Variants in PIEZO2 observed in about 807,000 individuals in gnomAD.
The protein encoded by PIEZO2 is piezo-type mechanosensitive ion channel component 2.
In PIEZO2, 172 loss-of-function variants were observed where a neutral mutation model predicts 337.3. The observed-to-expected ratio is 0.51, with a 90% CI of 0.45 to 0.58. The LOEUF (loss-of-function observed/expected upper bound fraction) is 0.58. Ranked by LOEUF, PIEZO2 falls within the 20% of genes least tolerant of loss-of-function variation. PIEZO2 has a pLI of 0.00. For missense variants in PIEZO2, 3,028 were observed against 3,391.3 expected (o/e 0.89, Z 2.66); for synonymous variants, 1,251 against 1,228.5 (o/e 1.02, Z -0.38).
At chr18:11,020,803 G>A (rs2036282798) in intron 2 of PIEZO2, among the ~76,000 whole-genome samples, 1 of 152,108 alleles carries the variant, frequency 6.6e-6, no homozygotes, top group Non-Finnish European at 1.5e-5. Flanking sequence ...GAGAGCTTTC[G>A]GAATACTTGA....
chr18:10,757,180 A>G (rs2037903050), intron 27 of PIEZO2, among the ~76,000 whole-genome samples: 1 of 145,028 alleles, frequency 6.9e-6, no homozygotes, highest in South Asian at 2.4e-4. Flanking sequence ...GTGGATACGA[A>G]TGAGGGATAG....
chr18:10,869,178 T>C (rs1025265112), intron 5 of PIEZO2, among the ~76,000 whole-genome samples: 4 of 152,228 alleles, frequency 2.6e-5, no homozygotes, highest in African/African-American at 9.6e-5. Context: ...TCACAACTAC[T>C]AGGTGATATA....
At position 10,795,926 on chromosome 18, in the gene PIEZO2, T is replaced by A. The variant is rs982245828; in HGVS notation, c.1528-924A>T. Among the ~76,000 whole-genome samples the A allele has an allele frequency of 1.3e-5, 2 of 152,142 alleles. No homozygotes were observed. The highest frequency in any genetic ancestry group is 1.3e-4 in the Admixed American group (2 of 15,278). ...TTTGGGAAAAGGAGAGATTATAGCTTCTTTTATCTTCTATCTATGGGCCAA... is the reference window on the plus strand; with the variant it reads ...TTTGGGAAAAGGAGAGATTATAGCTACTTTTATCTTCTATCTATGGGCCAA... On this transcript the variant is annotated intron_variant, in intron 12 of 55. Coordinates refer to ENST00000674853, the MANE Select transcript of PIEZO2 (RefSeq NM_001378183.1). This position sits in a 1 kb window ranked among gnomAD's most constrained non-coding sequence, Gnocchi z 4.4.
At chr18:10,743,168 T>C (rs1245594261) in intron 31 of PIEZO2, among the ~76,000 whole-genome samples, 1 of 152,174 alleles carries the variant, frequency 6.6e-6, no homozygotes, top group East Asian at 1.9e-4. Flanking sequence ...GCATTTACAT[T>C]ATAATTTTTA....
chr18:10,705,631 C>T lies in PIEZO2; in HGVS notation c.5704G>A (p.Ala1902Thr). 1 of 1,537,214 alleles carries T rather than the reference C, an allele frequency of 6.5e-7. No homozygotes were observed. Among genetic ancestry groups the T allele is most frequent in the African/African-American group, 1.4e-5 (1 of 73,146 alleles). The change falls in exon 41 of 56, where the codon GCC (alanine) becomes ACC (threonine). Residue 1902 changes from alanine (A) to threonine (T), a missense_variant. Transcript: ENST00000674853. ...TACCCAGTGGCCTCGTACTCCTTGG[C>T]CTCCCTGGGCTCAGGCGCCGTGCTC... ...AGSTAPEPRE[A>T]KEYEATGYDV...
chr18:10,711,715 C>T (rs955819199), intron 39 of PIEZO2, among the ~76,000 whole-genome samples: 1 of 152,146 alleles, frequency 6.6e-6, no homozygotes, highest in Non-Finnish European at 1.5e-5. Context: ...CATATTTTCT[C>T]GAAGAAAGAT....
rs141820938 is a variant in PIEZO2 at position 11,033,890 on chromosome 18, T to C, written c.160+32237A>G. Reference sequence around the variant, plus strand: ...TTTTCCTAACTTTCCACCAAAAATATTATCTTCAGACTTTACCGGGTTGGT... The same window carrying C: ...TTTTCCTAACTTTCCACCAAAAATACTATCTTCAGACTTTACCGGGTTGGT... On this transcript the variant is annotated intron_variant, in intron 2 of 55. Coordinates refer to ENST00000674853, the MANE Select transcript of PIEZO2 (RefSeq NM_001378183.1). This position sits in a 1 kb window ranked among gnomAD's most constrained non-coding sequence, Gnocchi z 4.2. 4.3e-4 allele frequency among the ~76,000 whole-genome samples: 65 copies of C among 152,232 alleles called. No homozygotes were observed. In the East Asian group the frequency reaches 4.6e-3, roughly 11 times the overall value.
chr18:11,026,412 T>A (rs1019017227), intron 2 of PIEZO2, among the ~76,000 whole-genome samples: 1 of 151,992 alleles, frequency 6.6e-6, no homozygotes, highest in Admixed American at 6.6e-5. Context: ...CCCTGACTGG[T>A]CCCTTCTGTG....
At chr18:10,720,363 CTGTGTGTGTGTGTGTGTGTG>C (rs58927900) in intron 36 of PIEZO2, among the ~76,000 whole-genome samples, 2 of 56,294 alleles carry the variant, frequency 3.6e-5, no homozygotes, top group South Asian at 7.9e-4. Context: ...TATATATATT[CTGTGTGTGTGTGTGTGTGTG>C]TGTGTGTGTG....
At chr18:10,674,687 C>G (rs1410560625) in intron 54 of PIEZO2, among the ~76,000 whole-genome samples, 1 of 152,228 alleles carries the variant, frequency 6.6e-6, no homozygotes, top group Admixed American at 6.5e-5. Flanking sequence ...ACATCTGCTT[C>G]TGGTTCAAGC....
intron 21 of PIEZO2, among the ~76,000 whole-genome samples, chr18:10,768,719 AGT>A (rs569120735): frequency 1.4e-3 from 206 of 152,288 alleles, no homozygotes; most frequent in African/African-American, 4.8e-3. Flanking sequence ...TTTTCCCAAG[AGT>A]GTAACAAGGT....
chr18:10,932,837 T>A (rs117115340), intron 3 of PIEZO2, among the ~76,000 whole-genome samples: 6,225 of 151,798 alleles, frequency 0.041, 185 homozygotes, highest in South Asian at 0.064. Flanking sequence ...GGCAGGAGAA[T>A]CACTTGAGCC....
chr18:11,079,410 A>C (rs952860780), intron 1 of PIEZO2, among the ~76,000 whole-genome samples: 1 of 152,236 alleles, frequency 6.6e-6, no homozygotes, highest in Non-Finnish European at 1.5e-5. Flanking sequence ...CTGGGGGACA[A>C]GTAGGTTACA....
At chr18:10,941,571 A>G (rs1490276755) in intron 3 of PIEZO2, among the ~76,000 whole-genome samples, 1 of 152,212 alleles carries the variant, frequency 6.6e-6, no homozygotes, top group Non-Finnish European at 1.5e-5. Context: ...ATTCTTTTAA[A>G]AAGGAATACG....
rs1424090400 is a variant in PIEZO2, at chr18:10,854,761, G to A, written c.917+592C>T. On this transcript the variant is annotated intron_variant, in intron 7 of 55. Coordinates refer to ENST00000674853, the MANE Select transcript of PIEZO2 (RefSeq NM_001378183.1). The surrounding 1 kb of genome is among the most constrained non-coding windows in gnomAD (Gnocchi z 4.6). Reference sequence around the variant, plus strand: ...CAGGGTCTCACTCTGTCACCCAGGTGGGAGTGCAGCGGTGTGATCATGGCT... The same window carrying A: ...CAGGGTCTCACTCTGTCACCCAGGTAGGAGTGCAGCGGTGTGATCATGGCT... Among the ~76,000 whole-genome samples the A allele has an allele frequency of 6.6e-6, 1 of 152,094 alleles. No individual in the cohort carries two copies. Among genetic ancestry groups the A allele is most frequent in the Non-Finnish European group, 1.5e-5 (1 of 68,014 alleles).
chr18:11,117,276 C>T (rs12969087), intron 1 of PIEZO2, among the ~76,000 whole-genome samples: 45,796 of 152,004 alleles, frequency 0.3, 8,473 homozygotes, highest in Middle Eastern at 0.46. Context: ...TAAAAATGTA[C>T]AATTATTATG....
Position 10,882,834 on chromosome 18 carries a change from C to CTTTTTTTTTTTTTTTTTTTTTTTTT in PIEZO2, c.330-11420_330-11419insAAAAAAAAAAAAAAAAAAAAAAAAA, listed in dbSNP as rs745618117. Among the ~76,000 whole-genome samples, 2 of 109,984 alleles carry CTTTTTTTTTTTTTTTTTTTTTTTTT rather than the reference C, an allele frequency of 1.8e-5. 1 individual carries two copies. Among genetic ancestry groups the CTTTTTTTTTTTTTTTTTTTTTTTTT allele is most frequent in the Non-Finnish European group, 3.7e-5 (2 of 54,602 alleles). The allele number at this position is 109,984 out of a possible 152,430, so 72.2% of individuals were successfully genotyped here. On this transcript the variant is annotated intron_variant, in intron 4 of 55. Transcript: ENST00000674853. ...CCATTGTGCATATGTACCACATTTT[C>CTTTTTTTTTTTTTTTTTTTTTTTTT]TTTTTTTCTTTTTTTTTTTTTTTGA...
rs2035247255 is a variant in PIEZO2 at position 10,994,830 on chromosome 18, C to T, written c.161-15170G>A. 7.9e-5 allele frequency among the ~76,000 whole-genome samples: 12 copies of T among 151,902 alleles called. No homozygotes were observed. The South Asian group carries it at 2.5e-3, about 32-fold the overall frequency. On this transcript the variant is annotated intron_variant, in intron 2 of 55. Transcript: ENST00000674853. ...GGCACAGTAGCTCACGCCTGTAATC[C>T]CAGCACTTTGGGAGGCCAAAGCGGG...
chr18:11,066,816 T>G (rs2038169206), intron 1 of PIEZO2, among the ~76,000 whole-genome samples: 1 of 152,212 alleles, frequency 6.6e-6, no homozygotes, highest in Admixed American at 6.5e-5. Flanking sequence ...GCCAGGCTGG[T>G]CTTGAACTCT....
Sources: allele counts gnomAD v4.1 joint callset (sites outside exome capture counted in the v4.1 genomes callset), GRCh38; gene constraint gnomAD v4.1.1; non-coding constraint Gnocchi (gnomAD v3.1); transcripts MANE v1.5; gene names NCBI Gene and HGNC (gene_info 2026-07-23, HGNC 2026-07-21).